The following IGFBPL1 variants were observed in gnomAD, a reference collection of about 807,000 sequenced individuals.
IGFBPL1 encodes the protein insulin like growth factor binding protein like 1, also known as insulin-like growth factor-binding protein-like 1.
In IGFBPL1, 20 loss-of-function variants were observed where a neutral mutation model predicts 23.9. The ratio of observed to expected loss-of-function variants is 0.84; its 90% CI spans 0.59 to 1.22. The LOEUF is 1.22. IGFBPL1 is among the 50% of genes most tolerant of loss of function. The pLI, the probability that IGFBPL1 is intolerant of heterozygous loss-of-function variation, is 0.00. For missense variants in IGFBPL1, 436 were observed against 379.3 expected (o/e 1.15, Z -1.24); for synonymous variants, 184 against 171.8 (o/e 1.07, Z -0.56).
chr9:38,422,865 C>T (rs1268937965), intron 1 of IGFBPL1, among the ~76,000 whole-genome samples: 2 of 152,208 alleles, frequency 1.3e-5, no homozygotes, highest in South Asian at 2.1e-4. Flanking sequence ...CTTCTTAAGG[C>T]TTGGAAAGGT....
chr9:38,422,448 G>A (rs554879179), intron 1 of IGFBPL1, among the ~76,000 whole-genome samples: 20 of 152,362 alleles, frequency 1.3e-4, no homozygotes, highest in African/African-American at 4.8e-4. Flanking sequence ...AGAATTGCCT[G>A]TGAATTAACG....
intron 1 of IGFBPL1, among the ~76,000 whole-genome samples, chr9:38,420,043 T>C (rs1587416864): frequency 6.6e-6 from 1 of 152,080 alleles, no homozygotes; most frequent in Non-Finnish European, 1.5e-5. Flanking sequence ...GCACATGCCA[T>C]CATGTCCAGC....
chr9:38,413,731 G>A (rs1238743648), intron 2 of IGFBPL1, among the ~76,000 whole-genome samples: 1 of 152,102 alleles, frequency 6.6e-6, no homozygotes, highest in African/African-American at 2.4e-5. Context: ...CACCAGCCAG[G>A]TCTGTCTGAA....
In IGFBPL1 at chr9:38,419,983, G is replaced by A. The variant is rs190169640; in HGVS notation, c.460+3982C>T. Among the ~76,000 whole-genome samples the A allele has an allele frequency of 3.5e-3, 534 of 151,894 alleles. 1 individual carries two copies. Among genetic ancestry groups the A allele is most frequent in the South Asian group, 0.019 (90 of 4,792 alleles). On this transcript the variant is annotated intron_variant, in intron 1 of 4. Transcript: ENST00000377694. ...TAGCTCACTGTAGCCTCGAACTCCT[G>A]GGCTCAAGAAATCCTCCTGCCTCAG...
intron 4 of IGFBPL1, among the ~76,000 whole-genome samples, chr9:38,410,257 C>A (rs899268760): frequency 2.6e-5 from 4 of 152,084 alleles, no homozygotes; most frequent in Non-Finnish European, 4.4e-5. Flanking sequence ...CCAAGGCGGG[C>A]GGATCATGAA....
chr9:38,413,968 A>T, intron 2 of IGFBPL1, 126 bp downstream of exon 2: 1 of 653,300 alleles, frequency 1.5e-6, no homozygotes. Flanking sequence ...CTATAAAGGC[A>T]TATATATATA....
chr9:38,413,669 CA>C (rs1359767469), intron 2 of IGFBPL1, among the ~76,000 whole-genome samples: 2 of 152,180 alleles, frequency 1.3e-5, no homozygotes, highest in Non-Finnish European at 2.9e-5. Flanking sequence ...GCCGGTCTCT[CA>C]AAAACTGGTC....
Position 38,424,104 on chromosome 9 carries a change from C to T in IGFBPL1, c.321G>A (p.Val107=). 2 of 1,353,060 alleles carry T rather than the reference C, an allele frequency of 1.5e-6. No individual in the cohort carries two copies. The highest frequency in any genetic ancestry group is 1.5e-5 in the African/African-American group (1 of 65,180). 83.8% of individuals were successfully genotyped at this position (1,353,060 alleles called of 1,614,324 possible). Residue 107 remains valine, a synonymous_variant, in exon 1 of 5, where the codon GTG becomes GTA. Coordinates refer to ENST00000377694, the MANE Select transcript of IGFBPL1 (RefSeq NM_001007563.3). The part of the protein sequence containing the change: ...GAAPEGTGLC[V]CAQRGTVCGS... The stretch of plus-strand genomic sequence containing the variant: ...CGCAGACGGTGCCGCGCTGCGCGCA[C>T]ACGCAGAGCCCGGTGCCCTCGGGCG...
intron 2 of IGFBPL1, among the ~76,000 whole-genome samples, chr9:38,413,607 C>T (rs772541378): frequency 3.3e-5 from 5 of 152,196 alleles, no homozygotes; most frequent in Non-Finnish European, 7.3e-5. Flanking sequence ...AGAATTTCAA[C>T]GCCTGTCTCA....
At position 38,424,347 on chromosome 9, in the gene IGFBPL1, A is replaced by G. The variant is rs35134904; in HGVS notation, c.78T>C (p.Leu26=). 0.27 allele frequency: 242,511 copies of G among 882,984 alleles called. 35,399 individuals are homozygous for G. The highest frequency in any genetic ancestry group is 0.3 in the Admixed American group (11,224 of 37,656). The allele number at this position is 882,984 out of a possible 1,614,324, so 54.7% of individuals were successfully genotyped here. A position where few individuals can be genotyped will look rare whatever the true frequency, so the allele number is the denominator to read the frequency against. ...LPLLPPLSPS[L]GIRDVGGRRP... ...GCCGGCCGCCCACGTCGCGGATCCC[A>G]AGGCTCGGGGACAGCGGCGGCAGCA... Residue 26 remains leucine, a synonymous_variant, in exon 1 of 5, where the codon CTT becomes CTC. Coordinates refer to ENST00000377694, the MANE Select transcript of IGFBPL1 (RefSeq NM_001007563.3).
chr9:38,414,284 G>A (rs573647240), intron 1 of IGFBPL1, 81 bp from the exon 2 acceptor site: 3 of 775,178 alleles, frequency 3.9e-6, no homozygotes, highest in Middle Eastern at 2.5e-4. Flanking sequence ...CTGCCGCGGA[G>A]AGCCCGCTGT....
Position 38,423,955 on chromosome 9 carries a change from C to A in IGFBPL1, c.460+10G>T. On this transcript the variant is annotated intron_variant, in intron 1 of 4. Coordinates refer to ENST00000377694, the MANE Select transcript of IGFBPL1 (RefSeq NM_001007563.3). The stretch of plus-strand genomic sequence containing the variant: ...CTTCTCTACCCACCCAATCCCCGAC[C>A]CTGACTCACCGAACTCGCAAGGGCC... 1 of 1,380,452 alleles carries A rather than the reference C, an allele frequency of 7.2e-7. No homozygotes were observed. The highest frequency in any genetic ancestry group is 1.7e-5 in the South Asian group (1 of 60,422). 85.5% of individuals were successfully genotyped at this position (1,380,452 alleles called of 1,614,324 possible).
chr9:38,411,493 C>G lies in IGFBPL1; in HGVS notation c.744G>C (p.Met248Ile). Residue 248 changes from methionine (M) to isoleucine (I), a missense_variant, in exon 4 of 5, where the codon ATG becomes ATC. Coordinates refer to ENST00000377694, the MANE Select transcript of IGFBPL1 (RefSeq NM_001007563.3). ...EGVYQCHAANMVGEAESHSTV... is the reference protein window; with the variant it reads ...EGVYQCHAANIVGEAESHSTV... ...TGCTGTGGGACTCAGCCTCTCCCACCATGTTGGCTGCATGGCACTGGTACA... is the reference window on the plus strand; with the variant it reads ...TGCTGTGGGACTCAGCCTCTCCCACGATGTTGGCTGCATGGCACTGGTACA... The G allele has an allele frequency of 6.2e-7, 1 of 1,614,024 alleles. No homozygotes were observed. The highest frequency in any genetic ancestry group is 8.5e-7 in the Non-Finnish European group (1 of 1,179,900).
intron 2 of IGFBPL1, 97 bp from the exon 3 acceptor site, chr9:38,413,450 C>T (rs1002010562): frequency 4.0e-6 from 3 of 750,902 alleles, no homozygotes; most frequent in East Asian, 4.9e-5. Flanking sequence ...TCCTCCTCCT[C>T]CCACTGACTC....
chr9:38,424,326 G>A lies in IGFBPL1; in HGVS notation c.99C>T (p.Gly33=), dbSNP rs1238734438. 15 of 1,117,932 alleles carry A rather than the reference G, an allele frequency of 1.3e-5. No homozygotes were observed. Among genetic ancestry groups the A allele is most frequent in the Non-Finnish European group, 1.7e-5 (14 of 816,176 alleles). 69.3% of individuals were successfully genotyped at this position (1,117,932 alleles called of 1,614,324 possible). A position where few individuals can be genotyped will look rare whatever the true frequency, so the allele number is the denominator to read the frequency against. ...SPSLGIRDVG[G]RRPKCGPCRP... ...GGCACGGACCACACTTGGGGCGCCG[G>A]CCGCCCACGTCGCGGATCCCAAGGC... The change falls in exon 1 of 5, where the codon GGC becomes GGT. Residue 33 remains glycine (G), a synonymous_variant. Transcript: ENST00000377694.
chr9:38,419,561 C>G (rs937791666), intron 1 of IGFBPL1, among the ~76,000 whole-genome samples: 3 of 152,140 alleles, frequency 2.0e-5, no homozygotes, highest in African/African-American at 7.2e-5. Context: ...TGCCAGGGCT[C>G]AATGCCCTGG....
chr9:38,421,284 CAAAAAAAAAAAA>C (rs35342818), intron 1 of IGFBPL1, among the ~76,000 whole-genome samples: 4 of 91,554 alleles, frequency 4.4e-5, no homozygotes, highest in African/African-American at 1.8e-4. Flanking sequence ...GACCCTGTCT[CAAAAAAAAAAAA>C]AAAAAAAAAG....
chr9:38,420,571 C>T (rs539245213), intron 1 of IGFBPL1, among the ~76,000 whole-genome samples: 7 of 152,306 alleles, frequency 4.6e-5, no homozygotes, highest in East Asian at 1.9e-4. Flanking sequence ...TGGTGGCGCA[C>T]GCCTGTAATC....
At chr9:38,414,026 CTCTT>C (rs1821555070) in intron 2 of IGFBPL1, 64 bp downstream of exon 2, 7 of 502,678 alleles carry the variant, frequency 1.4e-5, no homozygotes, top group Non-Finnish European at 1.9e-5. Context: ...CTGTTTCTCC[CTCTT>C]TCTCACACAC....
Sources: allele counts gnomAD v4.1 joint callset (sites outside exome capture counted in the v4.1 genomes callset), GRCh38; gene constraint gnomAD v4.1.1; transcripts MANE v1.5; gene names NCBI Gene and HGNC (gene_info 2026-07-23, HGNC 2026-07-21).